KIRREL3: variants seen among roughly 807,000 people sequenced by gnomAD.
KIRREL3 encodes kin of IRRE-like protein 3.
KIRREL3 carries 36 observed loss-of-function variants against 89.7 expected under a neutral mutation model. That is an observed-to-expected ratio of 0.40 (90% CI 0.31 to 0.53). The LOEUF (loss-of-function observed/expected upper bound fraction) is 0.53, where lower values mean the gene tolerates loss of function less well. Among genes scored for constraint, KIRREL3 ranks in the 20% least tolerant of loss-of-function variants. The probability of loss-of-function intolerance (pLI) is 0.49; values close to 1 mark genes in which losing one functional copy is unlikely to be tolerated. For synonymous variants in KIRREL3, 445 were observed against 441.4 expected (o/e 1.01, Z -0.10); for missense variants, 864 against 1,056.6 (o/e 0.82, Z 2.53).
chr11:126,570,331 T>C lies in KIRREL3; in HGVS notation c.56-7419A>G, dbSNP rs7121059. ...TCAATTAGTTGTTTTAAACTATTGATTTGTATTTAATTAACTATGCTATTA... is the reference window on the plus strand; with the variant it reads ...TCAATTAGTTGTTTTAAACTATTGACTTGTATTTAATTAACTATGCTATTA... On this transcript the variant is annotated intron_variant, in intron 1 of 16. Coordinates refer to ENST00000525144, the MANE Select transcript of KIRREL3 (RefSeq NM_032531.4). This position sits in a 1 kb window ranked among gnomAD's most constrained non-coding sequence, Gnocchi z 6.1. Among the ~76,000 whole-genome samples the C allele has an allele frequency of 0.12, 18,981 of 152,192 alleles. 1,393 individuals are homozygous for C. The highest frequency in any genetic ancestry group is 0.2 in the African/African-American group (8,161 of 41,480).
intron 1 of KIRREL3, among the ~76,000 whole-genome samples, chr11:126,679,191 T>C (rs1946340663): frequency 1.3e-5 from 2 of 152,182 alleles, no homozygotes; most frequent in Non-Finnish European, 2.9e-5. Context: ...ATGCCATGGA[T>C]GGTGGAGAAT....
chr11:126,438,180 C>T (rs1407123885), intron 11 of KIRREL3, among the ~76,000 whole-genome samples: 1 of 152,240 alleles, frequency 6.6e-6, no homozygotes, highest in Non-Finnish European at 1.5e-5. Flanking sequence ...TGAGTTAGGA[C>T]AGCAGCCCCA....
rs1176148791 is a variant in KIRREL3, at chr11:126,977,439, C to T, written c.55+23016G>A. ...TACTGCCTCTGGCGATGCTCCTGAT[C>T]CTCCAGGATCAGGGTCTGGCCATGC... On this transcript the variant is annotated intron_variant, in intron 1 of 16. Coordinates refer to ENST00000525144, the MANE Select transcript of KIRREL3 (RefSeq NM_032531.4). The surrounding 1 kb of genome is among the most constrained non-coding windows in gnomAD (Gnocchi z 4.7). Among the ~76,000 whole-genome samples the T allele has an allele frequency of 2.0e-5, 3 of 152,208 alleles. No homozygotes were observed. Among genetic ancestry groups the T allele is most frequent in the Non-Finnish European group, 1.5e-5 (1 of 68,042 alleles).
At chr11:126,473,616 G>A in intron 4 of KIRREL3, 150 bp from the exon 5 acceptor site, 1 of 649,156 alleles carries the variant, frequency 1.5e-6, no homozygotes, top group Non-Finnish European at 2.5e-6. Flanking sequence ...AATGATGAGA[G>A]CAGCACCCAC....
At chr11:126,435,229 C>T (rs776854806) in intron 13 of KIRREL3, 39 bp downstream of exon 13, 6 of 1,610,356 alleles carry the variant, frequency 3.7e-6, no homozygotes, top group South Asian at 3.3e-5. Context: ...AAGTCCCTTC[C>T]CCCCTTCCCA....
chr11:126,695,406 C>CAAAAAAAAAAAAAAAAAAAAAAAA (rs36034228), intron 1 of KIRREL3, among the ~76,000 whole-genome samples: 1 of 64,350 alleles, frequency 1.6e-5, no homozygotes. Context: ...TTAGCTTTAC[C>CAAAAAAAAAAAAAAAAAAAAAAAA]AAAAAAAAAA....
In KIRREL3 at chr11:126,996,691, C is replaced by A. The variant is rs767510968; in HGVS notation, c.55+3764G>T. ...CTGCTGACAGCCCCTTTTGGTGTTTCCAGCCAGGCAGGAGAGCAAGTGGGC... is the reference window on the plus strand; with the variant it reads ...CTGCTGACAGCCCCTTTTGGTGTTTACAGCCAGGCAGGAGAGCAAGTGGGC... On this transcript the variant is annotated intron_variant, in intron 1 of 16. Transcript: ENST00000525144. The surrounding 1 kb of genome is among the most constrained non-coding windows in gnomAD (Gnocchi z 4.7). Among the ~76,000 whole-genome samples, 7 of 152,186 alleles carry A rather than the reference C, an allele frequency of 4.6e-5. No individual in the cohort carries two copies. The highest frequency in any genetic ancestry group is 7.3e-5 in the Non-Finnish European group (5 of 68,028).
intron 12 of KIRREL3, 52 bp from the exon 13 acceptor site, chr11:126,435,355 G>T: frequency 6.2e-7 from 1 of 1,600,466 alleles, no homozygotes; most frequent in Non-Finnish European, 8.6e-7. Context: ...TGGCCAGGGT[G>T]GGGTGGGACT....
At position 126,892,356 on chromosome 11, in the gene KIRREL3, G is replaced by C. The variant is rs1319920406; in HGVS notation, c.55+108099C>G. Reference sequence around the variant, plus strand: ...CACCGTGGAAGCAGAACTCCCAACTGTCTTTCTCACTGCTTGTGGTTTGTA... The same window carrying C: ...CACCGTGGAAGCAGAACTCCCAACTCTCTTTCTCACTGCTTGTGGTTTGTA... On this transcript the variant is annotated intron_variant, in intron 1 of 16. Transcript: ENST00000525144. The surrounding 1 kb of genome is among the most constrained non-coding windows in gnomAD (Gnocchi z 5.4). Among the ~76,000 whole-genome samples, 1 of 152,078 alleles carries C rather than the reference G, an allele frequency of 6.6e-6. No individual in the cohort carries two copies. Among genetic ancestry groups the C allele is most frequent in the East Asian group, 1.9e-4 (1 of 5,178 alleles).
chr11:126,829,247 G>A (rs1943521884), intron 1 of KIRREL3, among the ~76,000 whole-genome samples: 2 of 152,176 alleles, frequency 1.3e-5, no homozygotes, highest in Admixed American at 1.3e-4. Flanking sequence ...GGATCAACAG[G>A]ATCTGTCACG....
intron 1 of KIRREL3, among the ~76,000 whole-genome samples, chr11:126,820,945 G>A (rs1363638504): frequency 2.0e-5 from 3 of 152,096 alleles, no homozygotes; most frequent in Non-Finnish European, 4.4e-5. Context: ...CCCCCAAGGT[G>A]CTGGATGGGT....
At chr11:126,716,115 G>A (rs1156338304) in intron 1 of KIRREL3, among the ~76,000 whole-genome samples, 1 of 151,470 alleles carries the variant, frequency 6.6e-6, no homozygotes, top group African/African-American at 2.4e-5. Context: ...GAGAGTGATA[G>A]GGAGACAGGA....
At chr11:126,494,527 T>C (rs1034642965) in intron 4 of KIRREL3, among the ~76,000 whole-genome samples, 37 of 152,244 alleles carry the variant, frequency 2.4e-4, no homozygotes, top group African/African-American at 8.7e-4. Flanking sequence ...TTATCATGGA[T>C]TTTTTCACAT....
chr11:126,762,437 A>G (rs1949693728), intron 1 of KIRREL3, among the ~76,000 whole-genome samples: 1 of 152,232 alleles, frequency 6.6e-6, no homozygotes, highest in African/African-American at 2.4e-5. Context: ...ACTGTTAAAT[A>G]TTAGTAGAAA....
In KIRREL3 at chr11:126,890,449, C is replaced by T. The variant is rs1240462303; in HGVS notation, c.55+110006G>A. On this transcript the variant is annotated intron_variant, in intron 1 of 16. Transcript: ENST00000525144. This position sits in a 1 kb window ranked among gnomAD's most constrained non-coding sequence, Gnocchi z 5.1. ...CTCCCATCTATTTCTGAAAACTCCA[C>T]GTGCTGGTCTGGCACTCTAATTGTC... is the stretch of plus-strand genomic sequence containing the variant. 2.0e-5 allele frequency among the ~76,000 whole-genome samples: 3 copies of T among 152,234 alleles called. No homozygotes were observed. Among genetic ancestry groups the T allele is most frequent in the South Asian group, 2.1e-4 (1 of 4,830 alleles).
At chr11:126,927,284 A>G (rs1411433617) in intron 1 of KIRREL3, among the ~76,000 whole-genome samples, 1 of 152,224 alleles carries the variant, frequency 6.6e-6, no homozygotes, top group Admixed American at 6.5e-5. Context: ...ATACATGCAC[A>G]CAACACACTA....
chr11:126,871,653 G>T (rs188449895), intron 1 of KIRREL3, among the ~76,000 whole-genome samples: 1 of 152,160 alleles, frequency 6.6e-6, no homozygotes, highest in Non-Finnish European at 1.5e-5. Flanking sequence ...ATTTGCAGTA[G>T]CCTCTCCCTT....
rs1286128266 is a variant in KIRREL3 at position 126,739,193 on chromosome 11, G to T, written c.56-176281C>A. Among the ~76,000 whole-genome samples, 2 of 152,200 alleles carry T rather than the reference G, an allele frequency of 1.3e-5. No homozygotes were observed. Among genetic ancestry groups the T allele is most frequent in the Non-Finnish European group, 2.9e-5 (2 of 68,026 alleles). On this transcript the variant is annotated intron_variant, in intron 1 of 16. Coordinates refer to ENST00000525144, the MANE Select transcript of KIRREL3 (RefSeq NM_032531.4). The surrounding 1 kb of genome is among the most constrained non-coding windows in gnomAD (Gnocchi z 5.5). Reference sequence around the variant, plus strand: ...TTCCACCCGTTCCGTGCTATTGTTGGAGATGTGAATTCCACTGATGTGAAT... The same window carrying T: ...TTCCACCCGTTCCGTGCTATTGTTGTAGATGTGAATTCCACTGATGTGAAT...
chr11:126,568,227 A>G lies in KIRREL3; in HGVS notation c.56-5315T>C, dbSNP rs570434237. ...GGAGGTGGGAGCCACGCAGAATGCT[A>G]GGCAGGGGAAAGACAGGTGAGACTT... On this transcript the variant is annotated intron_variant, in intron 1 of 16. Transcript: ENST00000525144. This position sits in a 1 kb window ranked among gnomAD's most constrained non-coding sequence, Gnocchi z 4.6. Among the ~76,000 whole-genome samples the G allele has an allele frequency of 6.6e-6, 1 of 152,206 alleles. No homozygotes were observed. The highest frequency in any genetic ancestry group is 2.1e-4 in the South Asian group (1 of 4,816).
Sources: allele counts gnomAD v4.1 joint callset (sites outside exome capture counted in the v4.1 genomes callset), GRCh38; gene constraint gnomAD v4.1.1; non-coding constraint Gnocchi (gnomAD v3.1); transcripts MANE v1.5; gene names NCBI Gene and HGNC (gene_info 2026-07-23, HGNC 2026-07-21).